IL4I1: variants seen among roughly 807,000 people sequenced by gnomAD.
IL4I1 encodes interleukin 4 induced 1, also known as L-amino-acid oxidase.
IL4I1 carries 24 observed loss-of-function variants against 29.7 expected under a neutral mutation model. That is an observed-to-expected ratio of 0.81 (90% CI 0.59 to 1.14). The LOEUF is 1.14. Among genes scored for constraint, IL4I1 ranks in the 50% most tolerant of loss-of-function variants. The pLI, the probability that IL4I1 is intolerant of heterozygous loss-of-function variation, is 0.00. For synonymous variants in IL4I1, 371 were observed against 352.5 expected, an observed-to-expected ratio of 1.05 and a Z score of -0.59; for missense variants, 686 against 785.6, an observed-to-expected ratio of 0.87 and a Z score of 1.52.
At chr19:49,902,052 T>C (rs1400950768) in intron 3 of IL4I1, among the ~76,000 whole-genome samples, 1 of 152,098 alleles carries the variant, frequency 6.6e-6, no homozygotes, top group African/African-American at 2.4e-5. Flanking sequence ...CAGGCCGGAG[T>C]GCAGTGGCAC....
chr19:49,906,862 T>C (rs1201824932), intron 2 of IL4I1: 2 of 152,222 alleles, frequency 1.3e-5, no homozygotes, highest in African/African-American at 2.4e-5. Context: ...AAAAGCAACA[T>C]ACAGTAATAG....
At chr19:49,895,264 CT>C in intron 3 of IL4I1, 84 bp from the exon 4 acceptor site, 2 of 1,091,414 alleles carry the variant, frequency 1.8e-6, no homozygotes, top group Non-Finnish European at 2.7e-6. Context: ...TGCCAGCCCC[CT>C]GCCTTCTTCC....
intron 2 of IL4I1, among the ~76,000 whole-genome samples, chr19:49,923,808 TG>T (rs2075820223): frequency 6.6e-6 from 1 of 152,226 alleles, no homozygotes; most frequent in African/African-American, 2.4e-5. Flanking sequence ...GTGGTGGAGT[TG>T]GGGTGTGAAC....
intron 3 of IL4I1, among the ~76,000 whole-genome samples, chr19:49,902,047 C>T (rs1050383640): frequency 9.2e-5 from 14 of 152,130 alleles, no homozygotes; most frequent in East Asian, 3.9e-4. Flanking sequence ...TCACCCAGGC[C>T]GGAGTGCAGT....
At chr19:49,906,268 G>A (rs1224418282) in intron 2 of IL4I1, among the ~76,000 whole-genome samples, 1 of 152,156 alleles carries the variant, frequency 6.6e-6, no homozygotes, top group African/African-American at 2.4e-5. Context: ...GAGTGCAGTG[G>A]TGTGATCATG....
At position 49,893,899 on chromosome 19, in the gene IL4I1, T is replaced by C. The variant is rs558088856; in HGVS notation, c.567+369A>G. Among the ~76,000 whole-genome samples, 5 of 150,066 alleles carry C rather than the reference T, an allele frequency of 3.3e-5. No homozygotes were observed. The East Asian group carries it at 9.9e-4, about 30-fold the overall frequency. ...CTACTCGGGAGGCTGAGGCAGAGAA[T>C]TGCTTGAACCTGGGAGGCGGAGGTT... is the stretch of plus-strand genomic sequence containing the variant. On this transcript the variant is annotated intron_variant, in intron 5 of 7. Transcript: ENST00000391826.
At chr19:49,915,234 G>T (rs548766727) in intron 2 of IL4I1, among the ~76,000 whole-genome samples, 3 of 152,138 alleles carry the variant, frequency 2.0e-5, no homozygotes, top group Non-Finnish European at 4.4e-5. Flanking sequence ...ACCTTACATG[G>T]CAAAGGGACT....
At position 49,890,938 on chromosome 19, in the gene IL4I1, C is replaced by CG. The variant is rs939364198; in HGVS notation, c.773+32_773+33insC. The CG allele has an allele frequency of 2.8e-5, 10 of 359,758 alleles. No individual in the cohort carries two copies. In the South Asian group the frequency reaches 3.8e-4, roughly 14 times the overall value. The allele number at this position is 359,758 out of a possible 1,614,324, so 22.3% of individuals were successfully genotyped here. A position where few individuals can be genotyped will look rare whatever the true frequency, so the allele number is the denominator to read the frequency against. On this transcript the variant is annotated intron_variant, in intron 7 of 7. Transcript: ENST00000391826. ...GCTACTTTCCCTGATTGCCCCCCGC[C>CG]CCCCCCCCCTGCCCGCCAGCCCCGC...
Position 49,889,733 on chromosome 19 carries a change from G to C in IL4I1, c.1641C>G (p.Ser547Arg), listed in dbSNP as rs1190391068. Residue 547 changes from serine to arginine, a missense_variant, in exon 8 of 8, where the codon AGC (serine) becomes AGG (arginine). By Grantham distance (110) the Ser-to-Arg change is moderately radical. Coordinates refer to ENST00000391826, the MANE Select transcript of IL4I1 (RefSeq NM_152899.2). ...ATAACTGGCCTTGGACTGGAGGGTG[G>C]CTGCCTTCTTCCTTTGCCAGGTCAT... ...PSHDLAKEEGSHPPVQGQLSL... is the reference protein window; with the variant it reads ...PSHDLAKEEGRHPPVQGQLSL... 6.6e-7 allele frequency: 1 copy of C among 1,515,614 alleles called. No individual in the cohort carries two copies. The highest frequency in any genetic ancestry group is 1.3e-5 in the South Asian group (1 of 75,264). The allele number at this position is 1,515,614 out of a possible 1,614,324, so 93.9% of individuals were successfully genotyped here.
chr19:49,924,108 G>A (rs1020926700), intron 2 of IL4I1, among the ~76,000 whole-genome samples: 2 of 152,158 alleles, frequency 1.3e-5, no homozygotes, highest in Non-Finnish European at 2.9e-5. Context: ...GGCCTGAGGT[G>A]AGGGTCAGGG....
chr19:49,922,316 G>A (rs1357678649), intron 2 of IL4I1, among the ~76,000 whole-genome samples: 1 of 152,138 alleles, frequency 6.6e-6, no homozygotes, highest in Non-Finnish European at 1.5e-5. Flanking sequence ...CCTCTGGCTG[G>A]GGGCATGGGG....
chr19:49,927,629 G>A (rs1312670216), intron 2 of IL4I1: 1 of 152,186 alleles, frequency 6.6e-6, no homozygotes, highest in East Asian at 1.9e-4. Flanking sequence ...AGGGAAGGTG[G>A]TCAGATCCCA....
chr19:49,894,227 C>A (rs1187640455), intron 5 of IL4I1, 41 bp downstream of exon 5: 2 of 1,584,818 alleles, frequency 1.3e-6, no homozygotes, highest in South Asian at 2.3e-5. Flanking sequence ...AGGAGGAGGA[C>A]AGAGAAGTCA....
chr19:49,921,177 C>G lies in IL4I1; in HGVS notation c.-228+6517G>C, dbSNP rs912412581. Among the ~76,000 whole-genome samples the G allele has an allele frequency of 6.6e-6, 1 of 152,138 alleles. No homozygotes were observed. Among genetic ancestry groups the G allele is most frequent in the African/African-American group, 2.4e-5 (1 of 41,424 alleles). On this transcript the variant is annotated intron_variant, in intron 2 of 9. Transcript: ENST00000341114. The surrounding 1 kb of genome is among the most constrained non-coding windows in gnomAD (Gnocchi z 5.4). ...ACTTAACTTTCCCCCAGCAATGTGA[C>G]GAAGCGAAACTATCATGGCTCCCAT...
intron 2 of IL4I1, among the ~76,000 whole-genome samples, chr19:49,913,414 G>A (rs1040401715): frequency 5.9e-5 from 9 of 152,214 alleles, no homozygotes; most frequent in East Asian, 1.9e-4. Flanking sequence ...CCATGTTGAC[G>A]CTGTGACCTA....
intron 2 of IL4I1, among the ~76,000 whole-genome samples, chr19:49,920,903 G>C (rs766578120): frequency 3.9e-5 from 6 of 152,152 alleles, no homozygotes; most frequent in Non-Finnish European, 8.8e-5. Flanking sequence ...CAGCTTCCCC[G>C]GGGAGAGGCA....
At chr19:49,901,605 A>G (rs1158366876), upstream of IL4I1, 2 of 1,422,324 alleles carry the variant, frequency 1.4e-6, no homozygotes, top group African/African-American at 1.5e-5. Flanking sequence ...TCCTGTTTCC[A>G]GAACATCCCA....
At chr19:49,924,814 G>T (rs573662710) in intron 2 of IL4I1, among the ~76,000 whole-genome samples, 159 of 152,330 alleles carry the variant, frequency 1.0e-3, no homozygotes, top group Middle Eastern at 3.4e-3. Flanking sequence ...GCTAAGTCTG[G>T]CTGGGCTGAA....
chr19:49,909,348 T>C, intron 2 of IL4I1: 1 of 1,613,814 alleles, frequency 6.2e-7, no homozygotes, highest in East Asian at 2.2e-5. Flanking sequence ...CCTCCAGATG[T>C]GGTAGCTGGA....
Sources: allele counts gnomAD v4.1 joint callset (sites outside exome capture counted in the v4.1 genomes callset), GRCh38; gene constraint gnomAD v4.1.1; non-coding constraint Gnocchi (gnomAD v3.1); transcripts MANE v1.5; gene names NCBI Gene and HGNC (gene_info 2026-07-23, HGNC 2026-07-21).